SFXN4: variants seen among roughly 807,000 people sequenced by gnomAD.
SFXN4 encodes sideroflexin-4.
SFXN4 carries 48 observed loss-of-function variants against 54.6 expected under a neutral mutation model. The observed-to-expected ratio is 0.88, with a 90% CI of 0.70 to 1.12. SFXN4 has a LOEUF of 1.12. Among genes scored for constraint, SFXN4 ranks in the 50% most tolerant of loss-of-function variants. The probability of loss-of-function intolerance (pLI) is 0.00; values close to 1 mark genes in which losing one functional copy is unlikely to be tolerated. For missense variants in SFXN4, 383 were observed against 409.2 expected (o/e 0.94, Z 0.55); for synonymous variants, 130 against 145.5 (o/e 0.89, Z 0.77).
chr10:119,148,664 C>G (rs528883657), intron 11 of SFXN4, among the ~76,000 whole-genome samples: 1 of 152,032 alleles, frequency 6.6e-6, no homozygotes, highest in South Asian at 2.1e-4. Context: ...CGTTTCACAG[C>G]GAATTAAAAG....
At chr10:119,150,870 C>T (rs1847039025) in intron 11 of SFXN4, among the ~76,000 whole-genome samples, 1 of 152,120 alleles carries the variant, frequency 6.6e-6, no homozygotes. Context: ...CTGGACACAA[C>T]CCAAACGTCC....
chr10:119,165,594 T>A lies in SFXN4; in HGVS notation c.54A>T (p.Arg18Ser). 1.3e-6 allele frequency: 2 copies of A among 1,594,026 alleles called. No homozygotes were observed. The highest frequency in any genetic ancestry group is 2.2e-5 in the South Asian group (2 of 90,368). Residue 18 changes from arginine to serine, a missense_variant, in exon 1 of 14, where the codon AGA (arginine) becomes AGT (serine). Arg to Ser is a moderately radical substitution (Grantham distance 110, BLOSUM62 -1). Transcript: ENST00000355697. Reference sequence around the variant, plus strand: ...GCTCAATGAAGGCGGGGACGGCGTCTCTGCGTCCTAGGAGCCGCCCAGGTT... The same window carrying A: ...GCTCAATGAAGGCGGGGACGGCGTCACTGCGTCCTAGGAGCCGCCCAGGTT... ...ETQPGRLLGRRDAVPAFIEPN... is the reference protein window; with the variant it reads ...ETQPGRLLGRSDAVPAFIEPN...
chr10:119,160,743 G>A (rs902947010), intron 5 of SFXN4, among the ~76,000 whole-genome samples, 172 bp downstream of exon 5: 14 of 151,850 alleles, frequency 9.2e-5, no homozygotes, highest in African/African-American at 3.1e-4. Context: ...CTACAGGCAC[G>A]TGCCACCACA....
At chr10:119,165,420 G>C (rs945113579) in intron 1 of SFXN4, 117 bp downstream of exon 1, 1 of 1,341,518 alleles carries the variant, frequency 7.5e-7, no homozygotes, top group African/African-American at 1.6e-5. Flanking sequence ...TCCGAGAGGA[G>C]GAAACGGAGA....
chr10:119,143,084 G>C (rs908264954), intron 13 of SFXN4, among the ~76,000 whole-genome samples: 3 of 151,450 alleles, frequency 2.0e-5, no homozygotes, highest in African/African-American at 4.9e-5. Flanking sequence ...CTGAGGTCAC[G>C]CGTGAGACTG....
chr10:119,155,385 G>A (rs959825081), intron 10 of SFXN4, among the ~76,000 whole-genome samples: 1 of 152,180 alleles, frequency 6.6e-6, no homozygotes, highest in Non-Finnish European at 1.5e-5. Flanking sequence ...TGGCCACTCA[G>A]TCTTGGATCC....
At chr10:119,165,203 A>C in intron 1 of SFXN4, 1 of 1,063,240 alleles carries the variant, frequency 9.4e-7, no homozygotes, top group Non-Finnish European at 1.1e-6. Context: ...TGAGCTTACC[A>C]AGGTGCGAGA....
intron 13 of SFXN4, among the ~76,000 whole-genome samples, chr10:119,144,308 T>A (rs928133254): frequency 1.7e-4 from 26 of 151,904 alleles, no homozygotes; most frequent in African/African-American, 6.0e-4. Context: ...ATACAAAAAA[T>A]TAGCTGGGTG....
At chr10:119,159,038 C>T (rs567992959) in intron 6 of SFXN4, among the ~76,000 whole-genome samples, 15 of 151,600 alleles carry the variant, frequency 9.9e-5, no homozygotes, top group Admixed American at 7.9e-4. Flanking sequence ...CCAGCACTTT[C>T]GGAGGCCAAG....
At chr10:119,165,298 G>T in intron 1 of SFXN4, 1 of 1,243,166 alleles carries the variant, frequency 8.0e-7, no homozygotes, top group Non-Finnish European at 1.0e-6. Context: ...CTCCGAGAGG[G>T]CAATCTGGAG....
intron 3 of SFXN4, among the ~76,000 whole-genome samples, chr10:119,161,305 G>C (rs909902722): frequency 4.0e-5 from 6 of 151,858 alleles, no homozygotes; most frequent in Admixed American, 3.9e-4. Flanking sequence ...TTTTAGTAGA[G>C]ATGGGGTCTT....
chr10:119,159,477 AG>A (rs1227767052), intron 6 of SFXN4, among the ~76,000 whole-genome samples: 2 of 151,576 alleles, frequency 1.3e-5, no homozygotes, highest in Non-Finnish European at 2.9e-5. Context: ...TGTTCAGAAA[AG>A]GGATGACCTT....
intron 8 of SFXN4, 47 bp from the exon 9 acceptor site, chr10:119,157,780 C>T: frequency 6.2e-7 from 1 of 1,604,046 alleles, no homozygotes; most frequent in Non-Finnish European, 8.5e-7. Flanking sequence ...ACAGTTTTAT[C>T]CAGCAAAGAT....
At chr10:119,155,894 G>A (rs774998802) in intron 10 of SFXN4, among the ~76,000 whole-genome samples, 1 of 152,120 alleles carries the variant, frequency 6.6e-6, no homozygotes, top group Non-Finnish European at 1.5e-5. Context: ...AATTTGGAGC[G>A]TGACATAGTA....
At chr10:119,163,688 C>CCACG in intron 2 of SFXN4, among the ~76,000 whole-genome samples, 1 of 152,146 alleles carries the variant, frequency 6.6e-6, no homozygotes, top group African/African-American at 2.4e-5. Context: ...AAGGCATGAG[C>CCACG]CACGGCACAC....
chr10:119,141,662 G>A (rs930008807), intron 13 of SFXN4, among the ~76,000 whole-genome samples: 4 of 151,704 alleles, frequency 2.6e-5, no homozygotes, highest in African/African-American at 4.8e-5. Context: ...GATTACAGGC[G>A]CGCACCACCA....
intron 13 of SFXN4, among the ~76,000 whole-genome samples, chr10:119,141,635 C>T (rs1564810337): frequency 1.3e-5 from 2 of 151,790 alleles, no homozygotes; most frequent in Admixed American, 6.6e-5. Context: ...CTCAGCCACC[C>T]GAGTAGCTGG....
At chr10:119,144,856 G>A (rs140675542) in intron 13 of SFXN4, among the ~76,000 whole-genome samples, 115 of 152,230 alleles carry the variant, frequency 7.6e-4, no homozygotes, top group African/African-American at 2.0e-3. Flanking sequence ...AGTAGCACAC[G>A]TAGCTCATGG....
rs920028881 is a variant in SFXN4 at position 119,159,728 on chromosome 10, C to T, written c.360G>A (p.Thr120=). The T allele has an allele frequency of 2.0e-5, 33 of 1,613,842 alleles. No individual in the cohort carries two copies. Among genetic ancestry groups the T allele is most frequent in the South Asian group, 8.8e-5 (8 of 91,066 alleles). ...TAACGGCAAATGTCTGCTTGCTCAC[C>T]GTGGGTGCCATGAAAGGCAGGAACG... ...PAAFLPFMAP[T]VFLSMTPLKG... The change falls in exon 6 of 14, where the codon ACG becomes ACA. Residue 120 remains threonine, a splice_region_variant and synonymous_variant. Coordinates refer to ENST00000355697, the MANE Select transcript of SFXN4 (RefSeq NM_213649.2).
Sources: allele counts gnomAD v4.1 joint callset (sites outside exome capture counted in the v4.1 genomes callset), GRCh38; gene constraint gnomAD v4.1.1; transcripts MANE v1.5; gene names NCBI Gene and HGNC (gene_info 2026-07-23, HGNC 2026-07-21).